The following TRPM3 variants were observed in gnomAD, a reference collection of about 807,000 sequenced individuals.
TRPM3 encodes the protein transient receptor potential cation channel subfamily M member 3, also known as long transient receptor potential channel 3.
Under a neutral mutation model 181.2 loss-of-function variants are expected in TRPM3, and 77 were observed. That is an observed-to-expected ratio of 0.42 (90% CI 0.35 to 0.51). The LOEUF (loss-of-function observed/expected upper bound fraction) is 0.51. TRPM3 is among the 20% of genes least tolerant of loss of function. The pLI is 0.01. For missense variants in TRPM3, 1,759 were observed against 2,196.7 expected, an observed-to-expected ratio of 0.80 and a Z score of 3.98; for synonymous variants, 745 against 796.4, an observed-to-expected ratio of 0.94 and a Z score of 1.09.
At chr9:70,921,040 C>T (rs2096648379) in intron 1 of TRPM3, among the ~76,000 whole-genome samples, 1 of 151,988 alleles carries the variant, frequency 6.6e-6, no homozygotes, top group African/African-American at 2.4e-5. Context: ...TCTGTTGGTC[C>T]CTCTAAAAAT....
At chr9:70,893,492 T>A (rs991932920) in intron 1 of TRPM3, among the ~76,000 whole-genome samples, 1 of 152,160 alleles carries the variant, frequency 6.6e-6, no homozygotes, top group African/African-American at 2.4e-5. Flanking sequence ...CTAATAGAAA[T>A]ATCAGTATAA....
chr9:70,804,679 G>T (rs1288977748), intron 6 of TRPM3, among the ~76,000 whole-genome samples: 2 of 147,700 alleles, frequency 1.4e-5, no homozygotes, highest in Non-Finnish European at 3.0e-5. Flanking sequence ...CTCAGTTCTT[G>T]GTTTCCTTTC....
rs148372547 is a variant in TRPM3 at position 71,311,865 on chromosome 9, G to T, written c.183+134788C>A. ...ACAAGAAAATCTTATCATGTTTTAAGAAAGTTTACTAATTTTTGTTGGGCT... is the reference window on the plus strand; with the variant it reads ...ACAAGAAAATCTTATCATGTTTTAATAAAGTTTACTAATTTTTGTTGGGCT... On this transcript the variant is annotated intron_variant, in intron 1 of 24. Coordinates refer to the TRPM3 transcript ENST00000357533. Among the ~76,000 whole-genome samples, 863 of 152,084 alleles carry T rather than the reference G, an allele frequency of 5.7e-3. 4 individuals carry two copies. Among genetic ancestry groups the T allele is most frequent in the Middle Eastern group, 0.01 (3 of 294 alleles).
chr9:71,045,990 T>A (rs2059385635), intron 1 of TRPM3, among the ~76,000 whole-genome samples: 1 of 86,716 alleles, frequency 1.2e-5, no homozygotes, highest in African/African-American at 3.0e-5. Flanking sequence ...TTGCCTACAC[T>A]TTTTTTTTTT....
chr9:71,282,782 A>C (rs898813577), intron 1 of TRPM3, among the ~76,000 whole-genome samples: 1 of 152,196 alleles, frequency 6.6e-6, no homozygotes, highest in Non-Finnish European at 1.5e-5. Flanking sequence ...CTGAAATATC[A>C]TCAGACTCTA....
intron 1 of TRPM3, among the ~76,000 whole-genome samples, chr9:71,400,993 T>C (rs898909739): frequency 2.0e-5 from 3 of 151,614 alleles, no homozygotes; most frequent in Non-Finnish European, 4.4e-5. Flanking sequence ...AGGTCAGGAG[T>C]TGGAAACCAG....
intron 1 of TRPM3, among the ~76,000 whole-genome samples, chr9:71,395,538 A>T (rs963669420): frequency 3.9e-5 from 6 of 152,230 alleles, no homozygotes; most frequent in African/African-American, 1.4e-4. Flanking sequence ...CTTTAACTTC[A>T]TGTAATTGAC....
At chr9:71,045,819 G>A (rs1322131942) in intron 1 of TRPM3, among the ~76,000 whole-genome samples, 3 of 152,118 alleles carry the variant, frequency 2.0e-5, no homozygotes, top group Non-Finnish European at 4.4e-5. Context: ...TAGTTCTGAT[G>A]AAAATGTTCA....
At chr9:70,988,384 A>C (rs939033044) in intron 1 of TRPM3, among the ~76,000 whole-genome samples, 6 of 152,166 alleles carry the variant, frequency 3.9e-5, no homozygotes, top group Non-Finnish European at 4.4e-5. Context: ...GTAAAATGGA[A>C]GGGCTGTTAA....
chr9:70,976,670 T>C (rs549919337), intron 1 of TRPM3, among the ~76,000 whole-genome samples: 1 of 152,366 alleles, frequency 6.6e-6, no homozygotes, highest in East Asian at 1.9e-4. Flanking sequence ...AGGAAATGCC[T>C]GGCTCCCCAT....
chr9:71,443,861 T>G (rs756394748), intron 1 of TRPM3, among the ~76,000 whole-genome samples: 1 of 152,048 alleles, frequency 6.6e-6, no homozygotes, highest in Non-Finnish European at 1.5e-5. Context: ...TTAATTATGA[T>G]GTATGCAATG....
chr9:71,374,187 C>T (rs751172249), intron 1 of TRPM3, among the ~76,000 whole-genome samples: 6 of 151,936 alleles, frequency 3.9e-5, no homozygotes, highest in Admixed American at 1.3e-4. Flanking sequence ...ACCAGCCTGG[C>T]CCATGGTGAA....
At chr9:70,816,395 A>G (rs1049334406) in intron 6 of TRPM3, among the ~76,000 whole-genome samples, 1 of 152,234 alleles carries the variant, frequency 6.6e-6, no homozygotes, top group Non-Finnish European at 1.5e-5. Context: ...TCACAAACCC[A>G]TCTGCTCATC....
intron 1 of TRPM3, among the ~76,000 whole-genome samples, chr9:71,190,965 C>T (rs2077984906): frequency 6.6e-6 from 1 of 151,858 alleles, no homozygotes; most frequent in African/African-American, 2.4e-5. Flanking sequence ...CCAAGCAAAG[C>T]AATATTCATT....
intron 1 of TRPM3, among the ~76,000 whole-genome samples, chr9:71,170,700 TCTTCA>T (rs1047534264): frequency 2.6e-5 from 4 of 152,204 alleles, no homozygotes; most frequent in Non-Finnish European, 5.9e-5. Flanking sequence ...CCTATGCCTG[TCTTCA>T]CTTTAATCTC....
chr9:71,364,042 G>GA (rs976296240), intron 1 of TRPM3, among the ~76,000 whole-genome samples: 8 of 151,274 alleles, frequency 5.3e-5, no homozygotes, highest in Non-Finnish European at 7.4e-5. Flanking sequence ...TGCCAACCAG[G>GA]AAAAAAAATA....
intron 8 of TRPM3, among the ~76,000 whole-genome samples, chr9:70,686,336 T>C (rs2066754483): frequency 6.6e-6 from 1 of 152,232 alleles, no homozygotes; most frequent in Non-Finnish European, 1.5e-5. Context: ...AATCTTTTGC[T>C]ATTACAAACG....
intron 1 of TRPM3, among the ~76,000 whole-genome samples, chr9:71,224,345 T>A (rs940550873): frequency 6.6e-6 from 1 of 152,188 alleles, no homozygotes; most frequent in Non-Finnish European, 1.5e-5. Context: ...GGGTTTGGGG[T>A]GCCCCCTAAT....
intron 1 of TRPM3, among the ~76,000 whole-genome samples, chr9:71,148,304 T>A (rs1024402011): frequency 6.6e-5 from 10 of 152,176 alleles, no homozygotes; most frequent in African/African-American, 2.4e-4. Context: ...AGAATATTTT[T>A]AAAACAAATC....
Sources: gnomAD v4.1 joint callset for allele counts (sites outside exome capture counted in the v4.1 genomes callset) on GRCh38, gnomAD v4.1.1 for gene constraint, MANE v1.5 for transcripts, NCBI Gene and HGNC (gene_info 2026-07-23, HGNC 2026-07-21) for gene names.